Variants in DNAH17 observed in about 807,000 individuals in gnomAD.
DNAH17 encodes the protein dynein axonemal heavy chain 17.
A neutral mutation model predicts 485.6 loss-of-function variants in DNAH17; 376 were observed. The ratio of observed to expected loss-of-function variants is 0.77; its 90% CI spans 0.71 to 0.84. The LOEUF is 0.84. Ranked by LOEUF, DNAH17 falls within the 40% of genes least tolerant of loss-of-function variation. The probability of loss-of-function intolerance (pLI) is 0.00; values close to 1 mark genes in which losing one functional copy is unlikely to be tolerated. For synonymous variants in DNAH17, 3,031 were observed against 2,405.9 expected (o/e 1.26, Z -7.60); for missense variants, 6,370 against 5,839.3 (o/e 1.09, Z -2.96).
chr17:78,524,191 A>G (rs113318347), intron 25 of DNAH17, among the ~76,000 whole-genome samples: 29,257 of 152,122 alleles, frequency 0.19, 3,581 homozygotes, highest in Middle Eastern at 0.32. Flanking sequence ...AGGCTGGAGT[A>G]CAGTGGCACG....
In DNAH17 at chr17:78,569,128, G is replaced by A. The variant is rs768832168; in HGVS notation, c.1284+38C>T. ...GGTGTCCTAGGGTAGGAGCAGTCTG[G>A]GAAGTGGAGGTCAAGATGCACCGAG... On this transcript the variant is annotated intron_variant, in intron 9 of 80. Coordinates refer to ENST00000389840, the MANE Select transcript of DNAH17 (RefSeq NM_173628.4). 5 of 1,505,512 alleles carry A rather than the reference G, an allele frequency of 3.3e-6. 1 individual carries two copies. The South Asian group carries it at 4.8e-5, about 14-fold the overall frequency. 93.3% of individuals were successfully genotyped at this position (1,505,512 alleles called of 1,614,324 possible). A position where few individuals can be genotyped will look rare whatever the true frequency, so the allele number is the denominator to read the frequency against.
intron 62 of DNAH17, chr17:78,458,344 T>C (rs2087911182): frequency 1.8e-6 from 1 of 569,934 alleles, no homozygotes; most frequent in Non-Finnish European, 3.1e-6. Context: ...CCCAGGCCAG[T>C]GTGGGTTACT....
chr17:78,438,626 G>A lies in DNAH17; in HGVS notation c.11805+464C>T, dbSNP rs564401053. ...CGATTTTCCTGCCTCAGCCTCCCAA[G>A]TAGTTGAGGTTACAGGCATGTGCCA... On this transcript the variant is annotated intron_variant, in intron 73 of 80. Transcript: ENST00000389840. Among the ~76,000 whole-genome samples, 3 of 150,996 alleles carry A rather than the reference G, an allele frequency of 2.0e-5. No individual in the cohort carries two copies. The East Asian group carries it at 6.0e-4, about 30-fold the overall frequency.
intron 5 of DNAH17, 75 bp downstream of exon 5, chr17:78,571,204 T>A: frequency 7.2e-7 from 1 of 1,395,436 alleles, no homozygotes. Context: ...CTAGGGTTGG[T>A]GACAAGTCTG....
intron 73 of DNAH17, among the ~76,000 whole-genome samples, chr17:78,438,431 G>GAGGAGGAGGAGA (rs1313355621): frequency 1.3e-5 from 1 of 77,986 alleles, no homozygotes; most frequent in South Asian, 6.1e-4. Context: ...GGAGAAGGAG[G>GAGGAGGAGGAGA]AGGAGGAGGA....
At position 78,548,220 on chromosome 17, in the gene DNAH17, T is replaced by C. The variant is rs1003052633; in HGVS notation, c.2391+3315A>G. ...TCATGGCCTTTTTTTTTTTTTTTTTTTGGAGACAGAGTCTTGCTCTGTCAC... is the reference window on the plus strand; with the variant it reads ...TCATGGCCTTTTTTTTTTTTTTTTTCTGGAGACAGAGTCTTGCTCTGTCAC... On this transcript the variant is annotated intron_variant, in intron 16 of 80. Transcript: ENST00000389840. Among the ~76,000 whole-genome samples, 11 of 145,048 alleles carry C rather than the reference T, an allele frequency of 7.6e-5. 1 individual carries two copies. The East Asian group carries it at 2.2e-3, about 29-fold the overall frequency.
chr17:78,543,218 G>A (rs564105507), intron 17 of DNAH17, among the ~76,000 whole-genome samples: 59 of 152,274 alleles, frequency 3.9e-4, no homozygotes, highest in African/African-American at 1.2e-3. Context: ...AGGGTCAAGC[G>A]ATTCTCCTGC....
At chr17:78,468,904 CT>C in intron 54 of DNAH17, 21 bp from the exon 55 acceptor site, 1 of 1,598,260 alleles carries the variant, frequency 6.3e-7, no homozygotes. Context: ...TGAGGACACG[CT>C]TAGGGGCCTT....
intron 71 of DNAH17, among the ~76,000 whole-genome samples, chr17:78,441,619 A>C (rs1348215711): frequency 2.0e-5 from 3 of 151,896 alleles, no homozygotes; most frequent in Admixed American, 6.6e-5. Flanking sequence ...AAAGCCCCCA[A>C]CTCTTTCTAA....
chr17:78,539,083 T>C (rs2091454509), intron 18 of DNAH17, among the ~76,000 whole-genome samples: 1 of 151,940 alleles, frequency 6.6e-6, no homozygotes, highest in Non-Finnish European at 1.5e-5. Flanking sequence ...ATACAAAAAT[T>C]AGCCAGGCGT....
chr17:78,454,111 C>G (rs1364595450), intron 64 of DNAH17, among the ~76,000 whole-genome samples: 2 of 152,202 alleles, frequency 1.3e-5, no homozygotes, highest in Non-Finnish European at 2.9e-5. Flanking sequence ...ATCACTGTAC[C>G]TGTGTCGTTA....
intron 80 of DNAH17, chr17:78,424,394 G>C (rs989316563): frequency 6.4e-6 from 3 of 469,788 alleles, no homozygotes; most frequent in African/African-American, 3.8e-5. Flanking sequence ...GGTTCCATCC[G>C]TTTAAATCTG....
At chr17:78,497,444 G>A (rs987875887) in intron 37 of DNAH17, among the ~76,000 whole-genome samples, 1 of 152,192 alleles carries the variant, frequency 6.6e-6, no homozygotes, top group Non-Finnish European at 1.5e-5. Context: ...GAACAGCACC[G>A]CTTCCAGCTA....
intron 78 of DNAH17, 120 bp downstream of exon 78, chr17:78,426,806 G>A: frequency 7.5e-7 from 1 of 1,331,234 alleles, no homozygotes; most frequent in Non-Finnish European, 1.0e-6. Flanking sequence ...CAGAGCTCTG[G>A]AGAGGGAGCA....
At chr17:78,437,383 G>T (rs1225652547) in intron 74 of DNAH17, among the ~76,000 whole-genome samples, 1 of 152,124 alleles carries the variant, frequency 6.6e-6, no homozygotes, top group African/African-American at 2.4e-5. Flanking sequence ...CAGGTTCATA[G>T]AACTGATTAA....
chr17:78,496,356 T>C (rs967079182), intron 37 of DNAH17, among the ~76,000 whole-genome samples: 4 of 82,540 alleles, frequency 4.8e-5, no homozygotes, highest in Admixed American at 1.4e-4. Context: ...AAGACAGTGA[T>C]TGGGGGGAAG....
At chr17:78,469,456 C>T (rs2088645166) in intron 54 of DNAH17, among the ~76,000 whole-genome samples, 1 of 152,106 alleles carries the variant, frequency 6.6e-6, no homozygotes, top group South Asian at 2.1e-4. Flanking sequence ...GGACAACTTT[C>T]TAAGAAACAC....
chr17:78,500,057 G>T, intron 36 of DNAH17: 1 of 458,558 alleles, frequency 2.2e-6, no homozygotes, highest in Non-Finnish European at 3.9e-6. Flanking sequence ...ATTGAGAGAG[G>T]GTCACCTCCA....
In DNAH17 at chr17:78,479,607, C is replaced by G. The variant is rs1174271535; in HGVS notation, c.7778G>C (p.Ser2593Thr). 6.2e-7 allele frequency: 1 copy of G among 1,613,214 alleles called. No homozygotes were observed. The highest frequency in any genetic ancestry group is 2.2e-5 in the East Asian group (1 of 44,880). Residue 2593 changes from serine to threonine, a missense_variant, in exon 50 of 81, where the codon AGC becomes ACC. By Grantham distance (58) the Ser-to-Thr change is moderately conservative (BLOSUM62 1). Transcript: ENST00000389840. ...GGTGAGGGCCTCCTGGCCGGGGAAG[C>G]TCACAGCAAACACGCAGAAATGGCG... ...LQRHFCVFAV[S>T]FPGQEALTTI...
Sources: allele counts gnomAD v4.1 joint callset (sites outside exome capture counted in the v4.1 genomes callset), GRCh38; gene constraint gnomAD v4.1.1; transcripts MANE v1.5; gene names NCBI Gene and HGNC (gene_info 2026-07-23, HGNC 2026-07-21).